Variants in MAN2A1 observed in about 807,000 individuals in gnomAD.
MAN2A1 encodes alpha-mannosidase 2.
In MAN2A1, 76 loss-of-function variants were observed where a neutral mutation model predicts 142.6. The observed-to-expected ratio is 0.53, with a 90% CI of 0.44 to 0.65. The LOEUF (loss-of-function observed/expected upper bound fraction) is 0.65, where lower values mean the gene tolerates loss of function less well. Ranked by LOEUF, MAN2A1 falls within the 30% of genes least tolerant of loss-of-function variation. MAN2A1 has a pLI of 0.00. For synonymous variants in MAN2A1, 559 were observed against 473.2 expected (o/e 1.18, Z -2.35); for missense variants, 1,311 against 1,365.1 (o/e 0.96, Z 0.62).
intron 1 of MAN2A1, among the ~76,000 whole-genome samples, chr5:109,694,543 T>G (rs1750758280): frequency 6.6e-6 from 1 of 152,046 alleles, no homozygotes; most frequent in African/African-American, 2.4e-5. Flanking sequence ...GGAGACGGGG[T>G]CTTACTATGT....
At chr5:109,713,796 A>T (rs746861080) in intron 2 of MAN2A1, 22 bp downstream of exon 2, 3 of 1,570,588 alleles carry the variant, frequency 1.9e-6, no homozygotes, top group Non-Finnish European at 2.6e-6. Context: ...ATTCGTTAAT[A>T]ATCACTGGCC....
At chr5:109,827,991 G>A (rs908888693) in intron 16 of MAN2A1, among the ~76,000 whole-genome samples, 14 of 152,052 alleles carry the variant, frequency 9.2e-5, no homozygotes, top group Non-Finnish European at 1.9e-4. Context: ...TGTAATCCCA[G>A]CTATTCGGGA....
chr5:109,739,750 T>C (rs1752212766), intron 4 of MAN2A1, among the ~76,000 whole-genome samples: 1 of 152,144 alleles, frequency 6.6e-6, no homozygotes, highest in East Asian at 1.9e-4. Context: ...GTACTAGTTA[T>C]TACTGGCTGA....
At chr5:109,728,413 C>G (rs949867127) in intron 3 of MAN2A1, among the ~76,000 whole-genome samples, 15 of 152,142 alleles carry the variant, frequency 9.9e-5, no homozygotes, top group African/African-American at 3.6e-4. Context: ...ACAGGAACTT[C>G]TCCTTATACG....
At chr5:109,722,661 C>T (rs1374954436) in intron 3 of MAN2A1, among the ~76,000 whole-genome samples, 2 of 152,278 alleles carry the variant, frequency 1.3e-5, no homozygotes, top group South Asian at 4.1e-4. Flanking sequence ...AGTGATCCGT[C>T]CGCCTTGGCC....
intron 5 of MAN2A1, among the ~76,000 whole-genome samples, chr5:109,765,954 G>C (rs1752977699): frequency 1.3e-5 from 2 of 151,914 alleles, no homozygotes. Context: ...ATTTCTTTCA[G>C]GTTTTTTTTT....
chr5:109,705,073 C>T (rs1751092603), intron 1 of MAN2A1, among the ~76,000 whole-genome samples: 1 of 152,074 alleles, frequency 6.6e-6, no homozygotes. Context: ...TGGGCCTGTT[C>T]CTCTAAAATG....
At chr5:109,702,864 G>A (rs1301083413) in intron 1 of MAN2A1, among the ~76,000 whole-genome samples, 1 of 152,192 alleles carries the variant, frequency 6.6e-6, no homozygotes, top group Non-Finnish European at 1.5e-5. Context: ...AGTTGTTACA[G>A]ATGGATTTTT....
chr5:109,780,328 G>A (rs1753421341), intron 8 of MAN2A1, among the ~76,000 whole-genome samples: 1 of 152,110 alleles, frequency 6.6e-6, no homozygotes, highest in Non-Finnish European at 1.5e-5. Flanking sequence ...CAAAGTGCTA[G>A]GATTACAGGC....
At chr5:109,721,438 TTGTG>T (rs927434442) in intron 3 of MAN2A1, among the ~76,000 whole-genome samples, 26 of 152,058 alleles carry the variant, frequency 1.7e-4, no homozygotes, top group African/African-American at 5.5e-4. Context: ...AATGAATAGT[TTGTG>T]TGTGTGTGTT....
At chr5:109,840,507 C>T in intron 16 of MAN2A1, 1 of 497,334 alleles carries the variant, frequency 2.0e-6, no homozygotes, top group East Asian at 5.8e-5. Flanking sequence ...GGAATACCAT[C>T]TCCTGCCATA....
intron 5 of MAN2A1, among the ~76,000 whole-genome samples, chr5:109,763,388 C>A (rs1341456033): frequency 6.6e-6 from 1 of 151,888 alleles, no homozygotes; most frequent in East Asian, 1.9e-4. Flanking sequence ...CAGTTACTTT[C>A]TTTTTAAATA....
chr5:109,741,808 A>G (rs1278641256), intron 4 of MAN2A1, among the ~76,000 whole-genome samples: 2 of 152,204 alleles, frequency 1.3e-5, no homozygotes, highest in Non-Finnish European at 2.9e-5. Context: ...AACAACATCT[A>G]TATTTTCTGT....
At chr5:109,844,358 G>A (rs1307112630) in intron 17 of MAN2A1, among the ~76,000 whole-genome samples, 1 of 152,154 alleles carries the variant, frequency 6.6e-6, no homozygotes, top group African/African-American at 2.4e-5. Context: ...TCCACCAGTG[G>A]GGAATCGGGG....
At chr5:109,695,825 T>G (rs1295055111) in intron 1 of MAN2A1, among the ~76,000 whole-genome samples, 1 of 152,222 alleles carries the variant, frequency 6.6e-6, no homozygotes, top group Admixed American at 6.5e-5. Flanking sequence ...ACATTTTAAC[T>G]AAAATGGGTT....
At chr5:109,831,331 T>G (rs1015528684) in intron 16 of MAN2A1, among the ~76,000 whole-genome samples, 5 of 152,128 alleles carry the variant, frequency 3.3e-5, no homozygotes, top group African/African-American at 1.2e-4. Context: ...AGCATGGTCA[T>G]TAAGGATTGG....
At chr5:109,697,109 C>A (rs1463146474) in intron 1 of MAN2A1, among the ~76,000 whole-genome samples, 1 of 152,126 alleles carries the variant, frequency 6.6e-6, no homozygotes, top group Non-Finnish European at 1.5e-5. Context: ...TGGCACTTAT[C>A]CAGATTTATT....
At chr5:109,715,472 T>C (rs1751427225) in intron 2 of MAN2A1, among the ~76,000 whole-genome samples, 1 of 152,026 alleles carries the variant, frequency 6.6e-6, no homozygotes, top group South Asian at 2.1e-4. Context: ...CCAACATTAT[T>C]AGCCAGAAGG....
intron 5 of MAN2A1, among the ~76,000 whole-genome samples, chr5:109,763,654 T>C (rs116757415): frequency 0.019 from 2,822 of 152,250 alleles, 34 homozygotes; most frequent in Middle Eastern, 0.071. Context: ...ATCATCATTC[T>C]CACTAAACTT....
Sources: allele counts gnomAD v4.1 joint callset (sites outside exome capture counted in the v4.1 genomes callset), GRCh38; gene constraint gnomAD v4.1.1; transcripts MANE v1.5; gene names NCBI Gene and HGNC (gene_info 2026-07-23, HGNC 2026-07-21).